The following CERS6 variants were observed in gnomAD, a reference collection of about 807,000 sequenced individuals.
The protein encoded by CERS6 is LAG1 homolog, ceramide synthase 6.
In CERS6, 26 loss-of-function variants were observed where a neutral mutation model predicts 56.8. The ratio of observed to expected loss-of-function variants is 0.46; its 90% CI spans 0.34 to 0.63. The LOEUF (loss-of-function observed/expected upper bound fraction) is 0.63. Ranked by LOEUF, CERS6 falls within the 30% of genes least tolerant of loss-of-function variation. The pLI, the probability that CERS6 is intolerant of heterozygous loss-of-function variation, is 0.01. For missense variants in CERS6, 415 were observed against 467.5 expected (o/e 0.89, Z 1.04); for synonymous variants, 164 against 173.3 (o/e 0.95, Z 0.42).
chr2:168,489,101 C>T (rs1694324015), intron 1 of CERS6, among the ~76,000 whole-genome samples: 1 of 152,130 alleles, frequency 6.6e-6, no homozygotes, highest in South Asian at 2.1e-4. Context: ...AAAATGAATA[C>T]TTTTAATTTT....
At chr2:168,484,064 T>A (rs1362884619) in intron 1 of CERS6, among the ~76,000 whole-genome samples, 1 of 152,124 alleles carries the variant, frequency 6.6e-6, no homozygotes, top group African/African-American at 2.4e-5. Context: ...TAGACTGTGC[T>A]TATTAAAAGC....
intron 3 of CERS6, among the ~76,000 whole-genome samples, chr2:168,597,747 C>T (rs1683834876): frequency 6.6e-6 from 1 of 152,152 alleles, no homozygotes. Flanking sequence ...AGACATAATG[C>T]TTTTCCTATT....
intron 1 of CERS6, among the ~76,000 whole-genome samples, chr2:168,507,394 G>T (rs893802200): frequency 2.6e-5 from 4 of 152,028 alleles, no homozygotes; most frequent in Non-Finnish European, 5.9e-5. Flanking sequence ...TTGTATCCTT[G>T]ACAGTTTTAA....
intron 4 of CERS6, among the ~76,000 whole-genome samples, chr2:168,663,906 CTT>C (rs1685694036): frequency 6.6e-6 from 1 of 152,118 alleles, no homozygotes; most frequent in Non-Finnish European, 1.5e-5. Flanking sequence ...AATGGCTGCT[CTT>C]CACTGCTTTT....
intron 1 of CERS6, among the ~76,000 whole-genome samples, chr2:168,458,788 G>A (rs1693725580): frequency 6.6e-6 from 1 of 152,180 alleles, no homozygotes; most frequent in Non-Finnish European, 1.5e-5. Flanking sequence ...TCCTATGATA[G>A]CTCTGTCTTT....
chr2:168,714,404 C>T (rs548295447), intron 6 of CERS6, among the ~76,000 whole-genome samples: 1 of 152,278 alleles, frequency 6.6e-6, no homozygotes, highest in South Asian at 2.1e-4. Context: ...ACCTACTGTC[C>T]CTTCATAGAT....
intron 3 of CERS6, among the ~76,000 whole-genome samples, chr2:168,617,274 A>G (rs1330661296): frequency 2.0e-5 from 3 of 152,164 alleles, no homozygotes; most frequent in Non-Finnish European, 2.9e-5. Flanking sequence ...GCCTACATCA[A>G]AAAGTCTGAA....
chr2:168,574,230 T>C lies in CERS6; in HGVS notation c.407+12908T>C, dbSNP rs1044508296. On this transcript the variant is annotated intron_variant, in intron 3 of 9. Transcript: ENST00000305747. Reference sequence around the variant, plus strand: ...ACTGGATTGATTTAAAAATAAAATATTGTCTTATCTGGAATTATGAAGCGT... The same window carrying C: ...ACTGGATTGATTTAAAAATAAAATACTGTCTTATCTGGAATTATGAAGCGT... Among the ~76,000 whole-genome samples the C allele has an allele frequency of 7.2e-5, 11 of 152,294 alleles. No homozygotes were observed. The South Asian group carries it at 8.3e-4, about 11-fold the overall frequency.
intron 8 of CERS6, among the ~76,000 whole-genome samples, chr2:168,730,851 T>C (rs4668100): frequency 0.95 from 144,000 of 152,242 alleles, 68,240 homozygotes; most frequent in Non-Finnish European, 0.98. Context: ...ATTTGTTTGG[T>C]GACTAATACA....
intron 4 of CERS6, among the ~76,000 whole-genome samples, chr2:168,634,403 T>C (rs972412449): frequency 6.6e-6 from 1 of 151,844 alleles, no homozygotes; most frequent in Non-Finnish European, 1.5e-5. Flanking sequence ...TCATGTGGGG[T>C]TTTTGTTTGT....
chr2:168,611,792 A>T (rs893582205), intron 3 of CERS6, among the ~76,000 whole-genome samples: 1 of 152,242 alleles, frequency 6.6e-6, no homozygotes, highest in African/African-American at 2.4e-5. Context: ...CCAAATCCTG[A>T]CACATAAATT....
intron 3 of CERS6, among the ~76,000 whole-genome samples, chr2:168,597,755 A>G (rs556567166): frequency 1.0e-3 from 155 of 152,308 alleles, no homozygotes; most frequent in Middle Eastern, 3.4e-3. Flanking sequence ...TGCTTTTCCT[A>G]TTTACTTTCA....
chr2:168,723,180 G>C (rs1157145056), intron 8 of CERS6, among the ~76,000 whole-genome samples: 1 of 152,078 alleles, frequency 6.6e-6, no homozygotes. Flanking sequence ...AATATGATGG[G>C]GGAAGAGACT....
intron 6 of CERS6, among the ~76,000 whole-genome samples, chr2:168,705,101 A>T (rs1023819176): frequency 2.0e-5 from 3 of 152,184 alleles, no homozygotes; most frequent in African/African-American, 7.2e-5. Context: ...ACACAACTGG[A>T]TTCAGAGCTG....
intron 2 of CERS6, among the ~76,000 whole-genome samples, chr2:168,548,076 A>C (rs893812003): frequency 6.6e-6 from 1 of 152,194 alleles, no homozygotes; most frequent in African/African-American, 2.4e-5. Flanking sequence ...TGTGTGTGCG[A>C]AAAAAGGGAC....
At chr2:168,653,696 T>G (rs1208607268) in intron 4 of CERS6, among the ~76,000 whole-genome samples, 1 of 152,234 alleles carries the variant, frequency 6.6e-6, no homozygotes. Context: ...ATCTCTTGTA[T>G]GGACTGCTGC....
chr2:168,551,841 T>G (rs1695578527), intron 2 of CERS6, among the ~76,000 whole-genome samples: 1 of 152,232 alleles, frequency 6.6e-6, no homozygotes, highest in South Asian at 2.1e-4. Flanking sequence ...GAGCTCGTGT[T>G]TCTTAACTGG....
intron 3 of CERS6, among the ~76,000 whole-genome samples, chr2:168,567,780 A>G (rs1356579524): frequency 1.3e-5 from 2 of 152,194 alleles, no homozygotes; most frequent in Admixed American, 6.5e-5. Flanking sequence ...TAGTTCTGTA[A>G]TTGGTGTGCC....
chr2:168,457,763 G>C lies in CERS6; in HGVS notation c.170+1145G>C, dbSNP rs545539031. ...TTGCTGTTCCTCTTTGCCTGAAAAC[G>C]ACTGTTGAGGGTGGCAGAACGCGTC... On this transcript the variant is annotated intron_variant, in intron 1 of 9. Transcript: ENST00000305747. Among the ~76,000 whole-genome samples, 33 of 152,228 alleles carry C rather than the reference G, an allele frequency of 2.2e-4. 1 individual carries two copies. The highest frequency in any genetic ancestry group is 7.5e-4 in the African/African-American group (31 of 41,542).
Sources: gnomAD v4.1 joint callset for allele counts (sites outside exome capture counted in the v4.1 genomes callset) on GRCh38, gnomAD v4.1.1 for gene constraint, MANE v1.5 for transcripts, NCBI Gene and HGNC (gene_info 2026-07-23, HGNC 2026-07-21) for gene names.